The following USP32 variants were observed in gnomAD, a reference collection of about 807,000 sequenced individuals.
The protein encoded by USP32 is ubiquitin carboxyl-terminal hydrolase 32.
Under a neutral mutation model 204.8 loss-of-function variants are expected in USP32, and 59 were observed. The ratio of observed to expected loss-of-function variants is 0.29; its 90% confidence interval spans 0.23 to 0.36. USP32 has a LOEUF of 0.36. Ranked by LOEUF, USP32 falls within the 10% of genes least tolerant of loss-of-function variation. The pLI, the probability that USP32 is intolerant of heterozygous loss-of-function variation, is 1.00. For synonymous variants in USP32, 517 were observed against 678.4 expected (o/e 0.76, Z 3.70); for missense variants, 1,160 against 1,946.4 (o/e 0.60, Z 7.60).
At chr17:60,328,668 G>A (rs1325185494) in intron 2 of USP32, among the ~76,000 whole-genome samples, 1 of 152,226 alleles carries the variant, frequency 6.6e-6, no homozygotes, top group East Asian at 1.9e-4. Context: ...AGCCCTTCCA[G>A]AAGGCCAGAC....
intron 5 of USP32, among the ~76,000 whole-genome samples, chr17:60,273,562 G>A (rs1483692454): frequency 6.6e-6 from 1 of 152,130 alleles, no homozygotes; most frequent in Non-Finnish European, 1.5e-5. Context: ...TTTAAAGAGA[G>A]ACAACAATCC....
chr17:60,326,744 G>C (rs1396120108), intron 2 of USP32, among the ~76,000 whole-genome samples: 1 of 152,120 alleles, frequency 6.6e-6, no homozygotes, highest in South Asian at 2.1e-4. Flanking sequence ...CATGCACAGA[G>C]TATAAAATAT....
chr17:60,256,755 C>T, intron 9 of USP32: 1 of 1,184,392 alleles, frequency 8.4e-7, no homozygotes. Flanking sequence ...TAAGATCTGC[C>T]AATCTCCCAA....
At chr17:60,376,981 G>A (rs1004240673) in intron 1 of USP32, among the ~76,000 whole-genome samples, 1 of 152,130 alleles carries the variant, frequency 6.6e-6, no homozygotes, top group Non-Finnish European at 1.5e-5. Context: ...GAATAAAAAC[G>A]CACAAAGAAC....
chr17:60,355,569 T>C (rs1198119447), intron 1 of USP32, among the ~76,000 whole-genome samples: 2 of 151,848 alleles, frequency 1.3e-5, no homozygotes, highest in East Asian at 3.9e-4. Context: ...TCCAGAAAAA[T>C]GACTGAGCTG....
Position 60,180,619 on chromosome 17 carries a change from C to T in USP32, c.4567G>A (p.Gly1523Ser). 1 of 1,613,534 alleles carries T rather than the reference C, an allele frequency of 6.2e-7. No homozygotes were observed. Among genetic ancestry groups the T allele is most frequent in the Non-Finnish European group, 8.5e-7 (1 of 1,179,710 alleles). The change falls in exon 33 of 34, where the codon GGT (glycine) becomes AGT (serine). Residue 1523 changes from glycine to serine, a missense_variant. Gly to Ser is a moderately conservative substitution (Grantham distance 56). Coordinates refer to ENST00000300896, the MANE Select transcript of USP32 (RefSeq NM_032582.4). The stretch of plus-strand genomic sequence containing the variant: ...GCATAAGTGACGTAATGGCCCCCAC[C>T]CAGAATTCCTGAATGGCACTGTAAG... ...YAISCHSGILGGGHYVTYAKN... is the reference protein window; with the variant it reads ...YAISCHSGILSGGHYVTYAKN...
At chr17:60,291,173 C>T (rs2087263072) in intron 4 of USP32, among the ~76,000 whole-genome samples, 1 of 152,188 alleles carries the variant, frequency 6.6e-6, no homozygotes, top group Non-Finnish European at 1.5e-5. Flanking sequence ...AAAGTTAGCA[C>T]ACTGCCTGTC....
At chr17:60,303,763 G>A (rs1405523539) in intron 2 of USP32, among the ~76,000 whole-genome samples, 2 of 152,118 alleles carry the variant, frequency 1.3e-5, no homozygotes, top group Non-Finnish European at 2.9e-5. Flanking sequence ...TGTCAGAGAC[G>A]AAGGAAAAAT....
At chr17:60,196,270 CAAAAAAAGAA>C (rs2084513084) in intron 27 of USP32, among the ~76,000 whole-genome samples, 1 of 129,224 alleles carries the variant, frequency 7.7e-6, no homozygotes, top group African/African-American at 3.5e-5. Flanking sequence ...ATCCCCACGC[CAAAAAAAGAA>C]AAAAAAAAAA....
chr17:60,215,891 G>A (rs528039428), intron 16 of USP32, among the ~76,000 whole-genome samples: 3 of 151,970 alleles, frequency 2.0e-5, no homozygotes, highest in African/African-American at 7.3e-5. Flanking sequence ...GTAGAGACAG[G>A]GTCTCTCTAT....
chr17:60,406,156 C>CAAAAAAAAA (rs35763642), intron 1 of USP32, among the ~76,000 whole-genome samples: 1 of 45,250 alleles, frequency 2.2e-5, no homozygotes, highest in Admixed American at 2.3e-4. Flanking sequence ...GACCTTGTCT[C>CAAAAAAAAA]AAAAAAAAAA....
intron 11 of USP32, chr17:60,245,174 T>C (rs1337059992): frequency 1.1e-5 from 2 of 182,288 alleles, no homozygotes; most frequent in African/African-American, 4.8e-5. Context: ...CAGAATGGTA[T>C]ATTTATACTG....
chr17:60,192,615 A>T (rs1485773942), intron 28 of USP32, among the ~76,000 whole-genome samples: 1 of 152,064 alleles, frequency 6.6e-6, no homozygotes, highest in Non-Finnish European at 1.5e-5. Context: ...TTGTATGTTT[A>T]GTAGAGACGA....
At chr17:60,327,031 G>A (rs80115238) in intron 2 of USP32, among the ~76,000 whole-genome samples, 3,108 of 152,240 alleles carry the variant, frequency 0.02, 99 homozygotes, top group African/African-American at 0.07. Context: ...AGTACAGCCA[G>A]ATAGGAGGGA....
intron 1 of USP32, among the ~76,000 whole-genome samples, chr17:60,375,060 A>C (rs1441093246): frequency 6.6e-6 from 1 of 152,250 alleles, no homozygotes; most frequent in Non-Finnish European, 1.5e-5. Flanking sequence ...TTCTCCCTTT[A>C]TCTTCCAATC....
chr17:60,370,957 G>A (rs1411474021), intron 1 of USP32, among the ~76,000 whole-genome samples: 13 of 151,744 alleles, frequency 8.6e-5, no homozygotes. Flanking sequence ...GCAAGGCATG[G>A]TGGCTCATGC....
chr17:60,280,216 C>A (rs895440572), intron 5 of USP32, among the ~76,000 whole-genome samples: 3 of 152,102 alleles, frequency 2.0e-5, no homozygotes, highest in Non-Finnish European at 4.4e-5. Context: ...CCTGCCTCAG[C>A]CTCCCGAGTA....
At chr17:60,286,113 G>A (rs949949811) in intron 5 of USP32, among the ~76,000 whole-genome samples, 1 of 148,698 alleles carries the variant, frequency 6.7e-6, no homozygotes, top group Non-Finnish European at 1.5e-5. Context: ...TCCAGCCCAG[G>A]CAAAAGAGTG....
intron 23 of USP32, among the ~76,000 whole-genome samples, 178 bp from the exon 24 acceptor site, chr17:60,208,388 G>GT (rs1373642163): frequency 1.3e-5 from 2 of 151,878 alleles, no homozygotes; most frequent in African/African-American, 4.8e-5. Flanking sequence ...AGTGAAATCA[G>GT]TATTTTTTTG....
Sources: allele counts gnomAD v4.1 joint callset (sites outside exome capture counted in the v4.1 genomes callset), GRCh38; gene constraint gnomAD v4.1.1; transcripts MANE v1.5; gene names NCBI Gene and HGNC (gene_info 2026-07-23, HGNC 2026-07-21).